The following CAMK1D variants were observed in gnomAD, a reference collection of about 807,000 sequenced individuals.
The protein encoded by CAMK1D is calcium/calmodulin dependent protein kinase ID, also known as calcium/calmodulin-dependent protein kinase type 1D.
Under a neutral mutation model 47.7 loss-of-function variants are expected in CAMK1D, and 9 were observed. The ratio of observed to expected loss-of-function variants is 0.19; its 90% CI spans 0.11 to 0.33. The LOEUF (loss-of-function observed/expected upper bound fraction) is 0.33. CAMK1D is among the 10% of genes least tolerant of loss of function. The pLI, the probability that CAMK1D is intolerant of heterozygous loss-of-function variation, is 1.00. For missense variants in CAMK1D, 291 were observed against 488.7 expected, an observed-to-expected ratio of 0.60 and a Z score of 3.81; for synonymous variants, 184 against 184.9, an observed-to-expected ratio of 0.99 and a Z score of 0.04.
At chr10:12,562,858 C>T (rs1293172865) in intron 2 of CAMK1D, among the ~76,000 whole-genome samples, 1 of 152,168 alleles carries the variant, frequency 6.6e-6, no homozygotes, top group African/African-American at 2.4e-5. Context: ...ATTAGGGGAA[C>T]TCAGGTAAAA....
At chr10:12,512,164 A>C (rs1263768736) in intron 1 of CAMK1D, among the ~76,000 whole-genome samples, 8 of 152,234 alleles carry the variant, frequency 5.3e-5, no homozygotes, top group Admixed American at 4.6e-4. Context: ...TGGTGACTTT[A>C]GCATGAGAGC....
chr10:12,734,194 T>C (rs1835023174), intron 3 of CAMK1D, among the ~76,000 whole-genome samples: 1 of 150,348 alleles, frequency 6.7e-6, no homozygotes, highest in African/African-American at 2.5e-5. Flanking sequence ...GCCTGGTGCA[T>C]GCCTGTAGTC....
At chr10:12,709,196 C>T (rs117554578) in intron 3 of CAMK1D, among the ~76,000 whole-genome samples, 185 of 152,148 alleles carry the variant, frequency 1.2e-3, no homozygotes, top group Non-Finnish European at 1.9e-3. Flanking sequence ...GGAGCCTCCA[C>T]AGTTATATAA....
intron 1 of CAMK1D, among the ~76,000 whole-genome samples, chr10:12,410,180 A>G (rs1839605646): frequency 1.3e-5 from 2 of 152,358 alleles, no homozygotes; most frequent in South Asian, 2.1e-4. Flanking sequence ...CTGCCTTATT[A>G]CTGGCAAATA....
intron 1 of CAMK1D, among the ~76,000 whole-genome samples, chr10:12,388,998 G>A (rs1838622559): frequency 2.6e-5 from 4 of 152,136 alleles, no homozygotes; most frequent in South Asian, 2.1e-4. Context: ...TTTACATCCC[G>A]CAGCTGATGG....
At chr10:12,606,159 C>T (rs1173886702) in intron 2 of CAMK1D, among the ~76,000 whole-genome samples, 3 of 151,854 alleles carry the variant, frequency 2.0e-5, no homozygotes, top group Non-Finnish European at 4.4e-5. Flanking sequence ...ACGCAGGTGC[C>T]GTCATCCTCC....
At chr10:12,670,638 C>T (rs1840586248) in intron 3 of CAMK1D, among the ~76,000 whole-genome samples, 1 of 151,980 alleles carries the variant, frequency 6.6e-6, no homozygotes, top group African/African-American at 2.4e-5. Context: ...ACCTCTGCCT[C>T]CCGGGTTCAA....
At chr10:12,625,628 G>GCC (rs1564453851) in intron 2 of CAMK1D, among the ~76,000 whole-genome samples, 2 of 88,128 alleles carry the variant, frequency 2.3e-5, no homozygotes, top group Non-Finnish European at 2.5e-5. Context: ...CCCACGCCCC[G>GCC]CCCCTCTGCC....
At chr10:12,687,008 C>A (rs1832691521) in intron 3 of CAMK1D, among the ~76,000 whole-genome samples, 1 of 151,926 alleles carries the variant, frequency 6.6e-6, no homozygotes, top group Non-Finnish European at 1.5e-5. Flanking sequence ...ATCAATATGA[C>A]AAAAAAATTT....
At chr10:12,522,512 G>A (rs1243025094) in intron 1 of CAMK1D, among the ~76,000 whole-genome samples, 1 of 151,574 alleles carries the variant, frequency 6.6e-6, no homozygotes, top group East Asian at 1.9e-4. Context: ...ACAGGGTTGG[G>A]GGCAAGGTCA....
At chr10:12,811,327 A>G (rs1167829810) in intron 6 of CAMK1D, among the ~76,000 whole-genome samples, 1 of 152,090 alleles carries the variant, frequency 6.6e-6, no homozygotes, top group African/African-American at 2.4e-5. Flanking sequence ...ATCAAGTTAA[A>G]CAGCCCAAGG....
rs1420018689 is a variant in CAMK1D, at chr10:12,742,139, G to A, written c.300-18809G>A. Among the ~76,000 whole-genome samples, 4 of 152,078 alleles carry A rather than the reference G, an allele frequency of 2.6e-5. No homozygotes were observed. In the East Asian group the frequency reaches 5.8e-4, roughly 22 times the overall value. Reference sequence around the variant, plus strand: ...TTTTGTGTTTTAACACGTTTTTGAGGTGTATATATATTTTTAGACAGGGTC... The same window carrying A: ...TTTTGTGTTTTAACACGTTTTTGAGATGTATATATATTTTTAGACAGGGTC... On this transcript the variant is annotated intron_variant, in intron 3 of 10. Transcript: ENST00000619168.
rs114306153 is a variant in CAMK1D, at chr10:12,816,590, G to A, written c.833+262G>A. On this transcript the variant is annotated intron_variant, in intron 8 of 10. Transcript: ENST00000619168. ...CGCTGCTGATAAAGACATACCAGAG[G>A]CCAGGCATGGTGGCTCATGCCTGTA... 5.1e-3 allele frequency among the ~76,000 whole-genome samples: 776 copies of A among 152,176 alleles called. 4 individuals carry two copies. The highest frequency in any genetic ancestry group is 0.018 in the African/African-American group (747 of 41,506).
chr10:12,559,102 G>T (rs1166215552), intron 2 of CAMK1D, among the ~76,000 whole-genome samples: 1 of 151,938 alleles, frequency 6.6e-6, no homozygotes, highest in Non-Finnish European at 1.5e-5. Context: ...GAGGCTGGGA[G>T]TTCAAGACCA....
intron 3 of CAMK1D, among the ~76,000 whole-genome samples, chr10:12,743,228 T>TGCCTCCC (rs1162031748): frequency 1.3e-5 from 2 of 151,522 alleles, no homozygotes; most frequent in Admixed American, 6.6e-5. Context: ...GCACCTGTAA[T>TGCCTCCC]CTTAGCTACT....
chr10:12,758,229 G>A (rs779982070), intron 3 of CAMK1D, among the ~76,000 whole-genome samples: 1 of 152,062 alleles, frequency 6.6e-6, no homozygotes, highest in Non-Finnish European at 1.5e-5. Context: ...TGGGAATTAA[G>A]TCTTCAGCTT....
chr10:12,670,458 G>C (rs1564480317), intron 3 of CAMK1D, among the ~76,000 whole-genome samples: 1 of 151,452 alleles, frequency 6.6e-6, no homozygotes, highest in Non-Finnish European at 1.5e-5. Context: ...CCATTTTGTA[G>C]CTTGTGTTGC....
chr10:12,451,007 G>A (rs887788519), intron 1 of CAMK1D, among the ~76,000 whole-genome samples: 1 of 152,166 alleles, frequency 6.6e-6, no homozygotes, highest in Non-Finnish European at 1.5e-5. Flanking sequence ...TGCCCGCCAT[G>A]TAAGAGGTGC....
At chr10:12,688,224 T>C (rs1265009352) in intron 3 of CAMK1D, among the ~76,000 whole-genome samples, 4 of 152,146 alleles carry the variant, frequency 2.6e-5, no homozygotes, top group Non-Finnish European at 4.4e-5. Flanking sequence ...CCACCTGAAG[T>C]CTCTCCTGGG....
Sources: allele counts gnomAD v4.1 joint callset (sites outside exome capture counted in the v4.1 genomes callset), GRCh38; gene constraint gnomAD v4.1.1; transcripts MANE v1.5; gene names NCBI Gene and HGNC (gene_info 2026-07-23, HGNC 2026-07-21).